CIMIP6: variants seen among roughly 807,000 people sequenced by gnomAD.
The protein encoded by CIMIP6 is uncharacterized protein C2orf73.
At chr2:54,377,201 C>T in the CIMIP6 span, among the ~76,000 whole-genome samples, 1 of 152,162 alleles carries the variant, frequency 6.6e-6, no homozygotes, top group African/African-American at 2.4e-5. Context: ...CCCTGAAAAA[C>T]AACAGCCTGA....
the CIMIP6 span, among the ~76,000 whole-genome samples, chr2:54,378,386 C>A: frequency 4.6e-5 from 7 of 152,222 alleles, no homozygotes; most frequent in Admixed American, 4.6e-4. Context: ...GCTCAACCAA[C>A]AGGAGTTTAA....
chr2:54,370,648 T>G, the CIMIP6 span, among the ~76,000 whole-genome samples: 1 of 152,166 alleles, frequency 6.6e-6, no homozygotes, highest in Non-Finnish European at 1.5e-5. Context: ...GTGGGAAAAG[T>G]TGAAGCAGCC....
the CIMIP6 span, among the ~76,000 whole-genome samples, chr2:54,361,980 A>G: frequency 6.6e-6 from 1 of 152,204 alleles, no homozygotes; most frequent in East Asian, 1.9e-4. Context: ...TATAACCAGG[A>G]AGATAGCAAG....
chr2:54,362,548 G>A, the CIMIP6 span, among the ~76,000 whole-genome samples: 2,130 of 152,162 alleles, frequency 0.014, 21 homozygotes, highest in Non-Finnish European at 0.022. Context: ...CTGTCTGTGT[G>A]TGTATGTGTG....
chr2:54,369,750 C>T, the CIMIP6 span, among the ~76,000 whole-genome samples: 1 of 152,178 alleles, frequency 6.6e-6, no homozygotes. Flanking sequence ...GCCATGCTGA[C>T]ATTTTTCATC....
At chr2:54,355,591 G>GTGT in the CIMIP6 span, among the ~76,000 whole-genome samples, 1 of 151,542 alleles carries the variant, frequency 6.6e-6, no homozygotes, top group Non-Finnish European at 1.5e-5. Context: ...CTTAGTTCTG[G>GTGT]TGTTGATACT....
the CIMIP6 span, chr2:54,360,585 C>G: frequency 8.2e-6 from 12 of 1,457,858 alleles, no homozygotes; most frequent in Middle Eastern, 1.8e-4. Context: ...AGATAAAAAT[C>G]TAATCCCTGG....
At chr2:54,354,836 C>A in the CIMIP6 span, among the ~76,000 whole-genome samples, 1 of 151,700 alleles carries the variant, frequency 6.6e-6, no homozygotes, top group Admixed American at 6.6e-5. Flanking sequence ...TCACCAGGGG[C>A]TCCATTAATG....
At chr2:54,333,046 C>A in the CIMIP6 span, among the ~76,000 whole-genome samples, 3 of 152,042 alleles carry the variant, frequency 2.0e-5, no homozygotes, top group Admixed American at 1.3e-4. Context: ...GGAGTAAACT[C>A]CAGCAGATTC....
the CIMIP6 span, among the ~76,000 whole-genome samples, chr2:54,370,555 G>A: frequency 6.6e-6 from 1 of 152,170 alleles, no homozygotes; most frequent in Admixed American, 6.5e-5. Context: ...TCTGAATTGG[G>A]CAAGAACCGA....
At chr2:54,359,196 G>T in the CIMIP6 span, 1 of 657,976 alleles carries the variant, frequency 1.5e-6, no homozygotes. Context: ...TTATTAATAG[G>T]ATAGAATGTT....
chr2:54,343,825 GT>G, the CIMIP6 span: 1 of 1,611,996 alleles, frequency 6.2e-7, no homozygotes, highest in South Asian at 1.1e-5. Context: ...GTGTCCACTG[GT>G]TTTGCCAGTC....
chr2:54,370,363 T>G, the CIMIP6 span, among the ~76,000 whole-genome samples: 1 of 152,084 alleles, frequency 6.6e-6, no homozygotes, highest in African/African-American at 2.4e-5. Context: ...TACAAGAGTG[T>G]TGTGGAAATT....
chr2:54,362,600 T>A, the CIMIP6 span, among the ~76,000 whole-genome samples: 4 of 152,214 alleles, frequency 2.6e-5, no homozygotes. Context: ...CAGGCTGGAG[T>A]GCAGTGCCTT....
chr2:54,345,892 G>A, the CIMIP6 span, among the ~76,000 whole-genome samples: 2 of 152,118 alleles, frequency 1.3e-5, no homozygotes, highest in South Asian at 4.1e-4. Context: ...AGAAAAATAA[G>A]TCACCATCTA....
the CIMIP6 span, among the ~76,000 whole-genome samples, chr2:54,370,187 G>A: frequency 1.2e-4 from 18 of 152,102 alleles, no homozygotes; most frequent in African/African-American, 3.6e-4. Context: ...CTCAGGAGGT[G>A]GAGGTTGCAG....
At chr2:54,362,895 C>T in the CIMIP6 span, among the ~76,000 whole-genome samples, 2 of 152,256 alleles carry the variant, frequency 1.3e-5, no homozygotes, top group African/African-American at 2.4e-5. Context: ...GCAAGAATTC[C>T]GTGACACTTT....
the CIMIP6 span, among the ~76,000 whole-genome samples, chr2:54,353,120 T>C: frequency 4.6e-5 from 7 of 152,168 alleles, no homozygotes; most frequent in African/African-American, 1.7e-4. Flanking sequence ...TAGGTAGATG[T>C]AAACTCTGTT....
At chr2:54,358,865 AG>A in the CIMIP6 span, 1 of 547,124 alleles carries the variant, frequency 1.8e-6, no homozygotes, top group Admixed American at 4.1e-5. Context: ...TCAAGAATTT[AG>A]TTTTGTTACC....
Sources: gnomAD v4.1 joint callset for allele counts (sites outside exome capture counted in the v4.1 genomes callset) on GRCh38, gnomAD v4.1.1 for gene constraint, MANE v1.5 for transcripts, NCBI Gene and HGNC (gene_info 2026-07-23, HGNC 2026-07-21) for gene names.